The following THRAP3 variants were observed in gnomAD, a reference collection of about 807,000 sequenced individuals.
THRAP3 encodes thyroid hormone receptor associated protein 3.
THRAP3 carries 16 observed loss-of-function variants against 101.0 expected under a neutral mutation model. That is an observed-to-expected ratio of 0.16 (90% CI 0.11 to 0.24). The LOEUF (loss-of-function observed/expected upper bound fraction) is 0.24. Among genes scored for constraint, THRAP3 ranks in the 10% least tolerant of loss-of-function variants. The pLI, the probability that THRAP3 is intolerant of heterozygous loss-of-function variation, is 1.00. For synonymous variants in THRAP3, 407 were observed against 422.6 expected (o/e 0.96, Z 0.45); for missense variants, 989 against 1,202.7 (o/e 0.82, Z 2.63).
chr1:36,295,651 T>TC (rs1645939669), intron 8 of THRAP3, among the ~76,000 whole-genome samples: 1 of 151,538 alleles, frequency 6.6e-6, no homozygotes, highest in Admixed American at 6.6e-5. Context: ...TTGGTTTCTT[T>TC]CCCCCTTCCC....
At chr1:36,241,484 A>G (rs1253286778) in intron 1 of THRAP3, among the ~76,000 whole-genome samples, 2 of 150,210 alleles carry the variant, frequency 1.3e-5, no homozygotes, top group East Asian at 3.9e-4. Flanking sequence ...GTTTACCAGC[A>G]GAAATTCTTA....
In THRAP3 at chr1:36,300,886, G is replaced by A. The variant is rs778821471; in HGVS notation, c.2304G>A (p.Lys768=). The A allele has an allele frequency of 6.2e-7, 1 of 1,612,744 alleles. No homozygotes were observed. Among genetic ancestry groups the A allele is most frequent in the Non-Finnish European group, 8.5e-7 (1 of 1,179,836 alleles). ...EKTHKGSKKQ[K]KHRRARDRSR... Reference sequence around the variant, plus strand: ...CACCCTGGCTCTTCTCTTTTCACAGGAAGCATCGGAGAGCAAGAGACAGGT... The same window carrying A: ...CACCCTGGCTCTTCTCTTTTCACAGAAAGCATCGGAGAGCAAGAGACAGGT... The change falls in exon 10 of 12, where the codon AAG becomes AAA. Residue 768 remains lysine (K), a splice_region_variant and synonymous_variant. Coordinates refer to ENST00000354618, the MANE Select transcript of THRAP3 (RefSeq NM_005119.4).
rs55662646 is a variant in THRAP3, at chr1:36,262,959, ATTTTTTTT to A, written c.-32+3492_-32+3499del. Among the ~76,000 whole-genome samples the A allele has an allele frequency of 6.2e-3, 645 of 104,358 alleles. 3 individuals are homozygous for A. Among genetic ancestry groups the A allele is most frequent in the African/African-American group, 0.021 (586 of 27,476 alleles). 68.5% of individuals were successfully genotyped at this position (104,358 alleles called of 152,430 possible). Reference sequence around the variant, plus strand: ...AGGCGCCCGCCACCAGGGCCGGCTAATTTTTTTTTTTTTTTTTTTTTTTTGTATTTTCA... The same window carrying A: ...AGGCGCCCGCCACCAGGGCCGGCTAATTTTTTTTTTTTTTTTGTATTTTCA... On this transcript the variant is annotated intron_variant, in intron 2 of 11. Transcript: ENST00000354618.
intron 1 of THRAP3, among the ~76,000 whole-genome samples, chr1:36,229,500 TAG>T (rs1204133730): frequency 1.3e-5 from 2 of 151,456 alleles, no homozygotes; most frequent in Non-Finnish European, 2.9e-5. Context: ...GTCTAGAAGA[TAG>T]GGGCTGGTTT....
At chr1:36,257,142 G>A (rs958270593) in intron 1 of THRAP3, among the ~76,000 whole-genome samples, 3 of 152,060 alleles carry the variant, frequency 2.0e-5, no homozygotes, top group African/African-American at 7.2e-5. Context: ...AGACAGTCAG[G>A]CATGTTTCCT....
chr1:36,246,474 C>G (rs1385091206), intron 1 of THRAP3, among the ~76,000 whole-genome samples: 1 of 151,418 alleles, frequency 6.6e-6, no homozygotes, highest in African/African-American at 2.4e-5. Context: ...CTCAAGTTAT[C>G]TCTCCGCCTT....
chr1:36,303,899 G>C lies in THRAP3; in HGVS notation c.2750G>C (p.Ser917Thr), dbSNP rs774370875. Residue 917 changes from serine to threonine, a missense_variant, in exon 12 of 12, where the codon AGT becomes ACT. Transcript: ENST00000354618. ...GRGRFMFRKSSTSPKWAHDKF... is the reference protein window; with the variant it reads ...GRGRFMFRKSTTSPKWAHDKF... ...GGCCGGTTCATGTTCCGGAAATCAA[G>C]TACCAGCCCCAAGTGGGCCCATGAC... 1 of 1,613,754 alleles carries C rather than the reference G, an allele frequency of 6.2e-7. No homozygotes were observed. Among genetic ancestry groups the C allele is most frequent in the Non-Finnish European group, 8.5e-7 (1 of 1,179,884 alleles).
At chr1:36,278,874 GATC>G (rs1412353855) in intron 2 of THRAP3, among the ~76,000 whole-genome samples, 1 of 151,776 alleles carries the variant, frequency 6.6e-6, no homozygotes, top group Non-Finnish European at 1.5e-5. Flanking sequence ...AGTGAGCTGA[GATC>G]ATGCCATTGC....
intron 2 of THRAP3, among the ~76,000 whole-genome samples, chr1:36,274,065 G>A (rs1024361736): frequency 6.9e-5 from 2 of 29,114 alleles, no homozygotes; most frequent in African/African-American, 2.0e-4. Flanking sequence ...AAGACTGTGT[G>A]TGTGTGTGTG....
At chr1:36,209,087 C>A in the THRAP3 span, among the ~76,000 whole-genome samples, 1 of 151,012 alleles carries the variant, frequency 6.6e-6, no homozygotes. Flanking sequence ...AGTGATCCTC[C>A]CACCTCAGCC....
chr1:36,250,411 A>C (rs1645285615), intron 1 of THRAP3, among the ~76,000 whole-genome samples: 2 of 151,840 alleles, frequency 1.3e-5, no homozygotes, highest in South Asian at 2.1e-4. Context: ...ACCAGGTTTC[A>C]CTATGTTGGC....
chr1:36,216,573 G>A, the THRAP3 span, among the ~76,000 whole-genome samples: 1 of 151,520 alleles, frequency 6.6e-6, no homozygotes, highest in Non-Finnish European at 1.5e-5. Context: ...AGGCCGAGGC[G>A]GGTGGATTAC....
At chr1:36,243,250 G>T (rs936844657) in intron 1 of THRAP3, among the ~76,000 whole-genome samples, 2 of 151,176 alleles carry the variant, frequency 1.3e-5, no homozygotes, top group East Asian at 1.9e-4. Flanking sequence ...TGCAGAGGGG[G>T]ATTTGGCAGG....
chr1:36,281,836 C>A lies in THRAP3; in HGVS notation c.-31-697C>A, dbSNP rs977514785. 2.0e-5 allele frequency among the ~76,000 whole-genome samples: 3 copies of A among 151,820 alleles called. No individual in the cohort carries two copies. In the South Asian group the frequency reaches 6.2e-4, roughly 32 times the overall value. On this transcript the variant is annotated intron_variant, in intron 2 of 11. Coordinates refer to ENST00000354618, the MANE Select transcript of THRAP3 (RefSeq NM_005119.4). ...CTGTAATCCCAGCACTTTGGGAGGC[C>A]GAGCCGGGCAGATTACCTGAGGTCG...
intron 2 of THRAP3, among the ~76,000 whole-genome samples, chr1:36,265,446 A>C (rs1242249726): frequency 7.0e-6 from 1 of 142,796 alleles, no homozygotes; most frequent in African/African-American, 2.6e-5. Context: ...AGTTAGGTGT[A>C]CAAGACAGGA....
intron 1 of THRAP3, among the ~76,000 whole-genome samples, chr1:36,244,171 A>G (rs1251464897): frequency 6.6e-6 from 1 of 152,234 alleles, no homozygotes; most frequent in Non-Finnish European, 1.5e-5. Flanking sequence ...ATAAATTGCT[A>G]TTGGATTAGT....
intron 6 of THRAP3, among the ~76,000 whole-genome samples, chr1:36,292,264 CTTTTT>C (rs774003081): frequency 4.9e-5 from 1 of 20,564 alleles, no homozygotes; most frequent in East Asian, 2.2e-3. Context: ...TTCTTTGTTT[CTTTTT>C]TTTTTTTTTT....
At chr1:36,240,465 A>G (rs779390837) in intron 1 of THRAP3, among the ~76,000 whole-genome samples, 6 of 152,184 alleles carry the variant, frequency 3.9e-5, no homozygotes, top group Non-Finnish European at 7.3e-5. Flanking sequence ...ACTTATCCCC[A>G]TTGTTTAGCT....
intron 1 of THRAP3, among the ~76,000 whole-genome samples, chr1:36,228,042 CTTT>C (rs1158538167): frequency 1.8e-5 from 2 of 110,454 alleles, no homozygotes; most frequent in Non-Finnish European, 3.7e-5. Flanking sequence ...CACGTGGCCT[CTTT>C]TTTTTTTTTT....
Sources: allele counts gnomAD v4.1 joint callset (sites outside exome capture counted in the v4.1 genomes callset), GRCh38; gene constraint gnomAD v4.1.1; transcripts MANE v1.5; gene names NCBI Gene and HGNC (gene_info 2026-07-23, HGNC 2026-07-21).